The following LAP3 variants were observed in gnomAD, a reference collection of about 807,000 sequenced individuals.
The protein encoded by LAP3 is leucine aminopeptidase 3, also known as cytosol aminopeptidase.
Under a neutral mutation model 58.8 loss-of-function variants are expected in LAP3, and 46 were observed. The ratio of observed to expected loss-of-function variants is 0.78; its 90% CI spans 0.62 to 1.00. The LOEUF is 1.00. Ranked by LOEUF, LAP3 falls within the 50% of genes least tolerant of loss-of-function variation. The pLI is 0.00. For missense variants in LAP3, 615 were observed against 659.1 expected (o/e 0.93, Z 0.73); for synonymous variants, 257 against 237.7 (o/e 1.08, Z -0.75).
In LAP3 at chr4:17,597,053, C is replaced by T. The variant is rs753568842; in HGVS notation, c.996C>T (p.Ala332=). The T allele has an allele frequency of 2.5e-6, 4 of 1,614,012 alleles. No homozygotes were observed. Among genetic ancestry groups the T allele is most frequent in the African/African-American group, 1.3e-5 (1 of 74,932 alleles). The stretch of plus-strand genomic sequence containing the variant: ...ATATATTATTTCCAATAGGTCTGGC[C>T]CCTCTTTGTGAAAATATGCCCAGCG... ...LNLPINIIGL[A]PLCENMPSGK... The change falls in exon 9 of 13, where the codon GCC becomes GCT. Residue 332 remains alanine, a synonymous_variant. Transcript: ENST00000226299.
In LAP3 at chr4:17,607,927, T is replaced by G. The variant is rs1420230350; in HGVS notation, c.*338T>G. ...CTAGGAACATGAGCAAACTGAAAAT[T>G]ACTATGCACTTGTCAGAAACAATAA... On this transcript the variant is annotated 3_prime_UTR_variant, in exon 13 of 13. Transcript: ENST00000226299. The G allele has an allele frequency of 5.4e-6, 1 of 186,122 alleles. No homozygotes were observed. The highest frequency in any genetic ancestry group is 2.4e-5 in the African/African-American group (1 of 42,328). The allele number at this position is 186,122 out of a possible 1,614,324, so 11.5% of individuals were successfully genotyped here.
intron 10 of LAP3, among the ~76,000 whole-genome samples, chr4:17,601,793 A>G (rs1240979497): frequency 1.3e-5 from 2 of 152,176 alleles, no homozygotes; most frequent in East Asian, 3.8e-4. Context: ...ATGACAAGAA[A>G]AAAAGTCCGT....
chr4:17,601,934 C>T (rs778895629), intron 10 of LAP3, among the ~76,000 whole-genome samples: 27 of 152,140 alleles, frequency 1.8e-4, no homozygotes, highest in Admixed American at 7.9e-4. Context: ...GCAGAACACA[C>T]GGATACGGAG....
chr4:17,598,354 A>G, intron 9 of LAP3, 102 bp from the exon 10 acceptor site: 4 of 793,418 alleles, frequency 5.0e-6, no homozygotes, highest in Non-Finnish European at 9.0e-6. Flanking sequence ...GACACACGTC[A>G]CAGTAGCTTT....
chr4:17,601,153 T>C (rs552979074), intron 10 of LAP3, among the ~76,000 whole-genome samples: 172 of 152,330 alleles, frequency 1.1e-3, no homozygotes, highest in African/African-American at 3.9e-3. Context: ...CTTGGGGCTT[T>C]GATGTTTCTT....
At position 17,579,958 on chromosome 4, in the gene LAP3, C is replaced by A; in HGVS notation, c.218+19C>A. On this transcript the variant is annotated intron_variant, in intron 2 of 12. Transcript: ENST00000226299. Reference sequence around the variant, plus strand: ...TGAACATGTAAGTGTTGCTTGTGGGCTCTAGTTCTTAAAGTGCCCCCAAAT... The same window carrying A: ...TGAACATGTAAGTGTTGCTTGTGGGATCTAGTTCTTAAAGTGCCCCCAAAT... 11 of 1,403,166 alleles carry A rather than the reference C, an allele frequency of 7.8e-6. No homozygotes were observed. The highest frequency in any genetic ancestry group is 1.1e-5 in the Non-Finnish European group (11 of 999,766). The allele number at this position is 1,403,166 out of a possible 1,614,324, so 86.9% of individuals were successfully genotyped here.
chr4:17,595,455 G>T lies in LAP3; in HGVS notation c.909G>T (p.Arg303Ser), dbSNP rs749504162. ...IKASANMDLM[R>S]ADMGGAATIC... Reference sequence around the variant, plus strand: ...CTTCTGCAAATATGGACCTCATGAGGGCTGACATGGGAGGAGCTGCAACTA... The same window carrying T: ...CTTCTGCAAATATGGACCTCATGAGTGCTGACATGGGAGGAGCTGCAACTA... The change falls in exon 8 of 13, where the codon AGG (arginine) becomes AGT (serine). Residue 303 changes from arginine (R) to serine (S), a missense_variant. Coordinates refer to ENST00000226299, the MANE Select transcript of LAP3 (RefSeq NM_015907.3). 1 of 1,613,842 alleles carries T rather than the reference G, an allele frequency of 6.2e-7. No homozygotes were observed. The highest frequency in any genetic ancestry group is 8.5e-7 in the Non-Finnish European group (1 of 1,179,898).
chr4:17,578,205 CAGAA>C (rs1029034062), intron 1 of LAP3, among the ~76,000 whole-genome samples: 1 of 152,156 alleles, frequency 6.6e-6, no homozygotes, highest in Non-Finnish European at 1.5e-5. Flanking sequence ...GCCTAAGCAC[CAGAA>C]AGAGATGACT....
intron 2 of LAP3, among the ~76,000 whole-genome samples, 180 bp from the exon 3 acceptor site, chr4:17,581,577 TAAA>T (rs5856433): frequency 5.8e-4 from 85 of 147,680 alleles, no homozygotes; most frequent in Admixed American, 1.1e-3. Context: ...TGTCTCTATT[TAAA>T]AAAAAAAAAA....
At chr4:17,594,488 C>G (rs574528276) in intron 7 of LAP3, among the ~76,000 whole-genome samples, 42 of 152,338 alleles carry the variant, frequency 2.8e-4, no homozygotes, top group African/African-American at 9.9e-4. Context: ...ACATGAGCAG[C>G]AGATCTCAAT....
rs889982344 is a variant in LAP3, at chr4:17,597,028, A to G, written c.989-18A>G. 2.5e-6 allele frequency: 4 copies of G among 1,612,660 alleles called. No individual in the cohort carries two copies. The highest frequency in any genetic ancestry group is 2.5e-6 in the Non-Finnish European group (3 of 1,178,716). On this transcript the variant is annotated intron_variant, in intron 8 of 12. Transcript: ENST00000226299. ...GACCCAGTATATACTGTGTGCCTTC[A>G]TATATTATTTCCAATAGGTCTGGCC...
At chr4:17,581,533 G>A (rs1713361670) in intron 2 of LAP3, among the ~76,000 whole-genome samples, 1 of 151,310 alleles carries the variant, frequency 6.6e-6, no homozygotes, top group African/African-American at 2.4e-5. Context: ...GAGCATAGGA[G>A]TTTGAGACCA....
chr4:17,604,688 T>A (rs1189886768), intron 11 of LAP3, 21 bp downstream of exon 11: 1 of 1,520,818 alleles, frequency 6.6e-7, no homozygotes. Context: ...TATTTGTATA[T>A]CTAAATTGTA....
chr4:17,591,100 G>A (rs1315752338), intron 7 of LAP3, among the ~76,000 whole-genome samples: 8 of 145,062 alleles, frequency 5.5e-5, no homozygotes, highest in South Asian at 4.4e-4. Flanking sequence ...TTTTTGAGAC[G>A]GAATCTTGCT....
At chr4:17,600,946 A>T (rs780322875) in intron 10 of LAP3, among the ~76,000 whole-genome samples, 13 of 152,226 alleles carry the variant, frequency 8.5e-5, no homozygotes, top group African/African-American at 1.7e-4. Flanking sequence ...ATACAGGTTG[A>T]TGTCCATGGC....
intron 10 of LAP3, among the ~76,000 whole-genome samples, chr4:17,601,490 T>A (rs1203753085): frequency 6.6e-6 from 1 of 152,080 alleles, no homozygotes; most frequent in Non-Finnish European, 1.5e-5. Flanking sequence ...TCTTAGGGGG[T>A]TGACTGAAAT....
intron 12 of LAP3, among the ~76,000 whole-genome samples, 182 bp downstream of exon 12, chr4:17,607,120 A>G (rs1178049087): frequency 6.6e-6 from 1 of 152,238 alleles, no homozygotes; most frequent in Non-Finnish European, 1.5e-5. Context: ...CAAAATTTGC[A>G]TATTTCTAAT....
At chr4:17,604,270 CAA>C (rs1188734524) in intron 10 of LAP3, among the ~76,000 whole-genome samples, 2,687 of 50,970 alleles carry the variant, frequency 0.053, 12 homozygotes, top group African/African-American at 0.082. Context: ...AGACCTTTCT[CAA>C]AAAAAAAAAA....
chr4:17,581,714 C>G, intron 2 of LAP3, 46 bp from the exon 3 acceptor site: 1 of 1,518,256 alleles, frequency 6.6e-7, no homozygotes, highest in African/African-American at 1.4e-5. Context: ...CCCAAGTGAA[C>G]CGAGCAAAAT....
Sources: allele counts gnomAD v4.1 joint callset (sites outside exome capture counted in the v4.1 genomes callset), GRCh38; gene constraint gnomAD v4.1.1; transcripts MANE v1.5; gene names NCBI Gene and HGNC (gene_info 2026-07-23, HGNC 2026-07-21).